The following GLIS3 variants were observed in gnomAD, a reference collection of about 807,000 sequenced individuals.
GLIS3 encodes GLIS family zinc finger 3, also known as zinc finger protein GLIS3.
In GLIS3, 53 loss-of-function variants were observed where a neutral mutation model predicts 78.6. That is an observed-to-expected ratio of 0.67 (90% CI 0.54 to 0.85). The LOEUF is 0.85. Among genes scored for constraint, GLIS3 ranks in the 40% least tolerant of loss-of-function variants. GLIS3 has a pLI of 0.00. For missense variants in GLIS3, 1,703 were observed against 1,231.1 expected (o/e 1.38, Z -5.74); for synonymous variants, 684 against 509.9 (o/e 1.34, Z -4.60).
chr9:4,383,717 C>A, the GLIS3 span, among the ~76,000 whole-genome samples: 1 of 152,196 alleles, frequency 6.6e-6, no homozygotes, highest in Non-Finnish European at 1.5e-5. Flanking sequence ...GGTAATATGA[C>A]TTGATCATCT....
intron 8 of GLIS3, among the ~76,000 whole-genome samples, chr9:3,874,763 G>T (rs959957558): frequency 6.6e-6 from 1 of 152,204 alleles, no homozygotes; most frequent in African/African-American, 2.4e-5. Context: ...GAAACGTTTT[G>T]TGTTGATTAT....
intron 4 of GLIS3, among the ~76,000 whole-genome samples, chr9:3,972,048 A>G (rs982971147): frequency 2.0e-5 from 3 of 152,186 alleles, no homozygotes; most frequent in Admixed American, 6.5e-5. Context: ...CTCACGTAAC[A>G]CACTAGCGTG....
chr9:4,087,708 TATTC>T (rs750409815), intron 4 of GLIS3, among the ~76,000 whole-genome samples: 25 of 152,230 alleles, frequency 1.6e-4, no homozygotes, highest in East Asian at 3.9e-4. Flanking sequence ...GGTGAAAAAA[TATTC>T]ATTGAGTACC....
At chr9:4,115,226 C>T (rs758590952) in intron 4 of GLIS3, among the ~76,000 whole-genome samples, 10 of 152,190 alleles carry the variant, frequency 6.6e-5, no homozygotes, top group South Asian at 4.1e-4. Context: ...CTATCATACA[C>T]AGAAAATAGC....
At chr9:3,903,948 A>G (rs974287184) in intron 6 of GLIS3, among the ~76,000 whole-genome samples, 1 of 152,166 alleles carries the variant, frequency 6.6e-6, no homozygotes, top group African/African-American at 2.4e-5. Context: ...TGTAACACTG[A>G]GAGAGAAGGA....
chr9:4,168,888 G>A (rs1387637648), intron 2 of GLIS3, among the ~76,000 whole-genome samples: 8 of 152,172 alleles, frequency 5.3e-5, no homozygotes, highest in African/African-American at 1.9e-4. Flanking sequence ...GTTTAATCTA[G>A]ATTCTGTAAC....
intron 4 of GLIS3, among the ~76,000 whole-genome samples, chr9:3,972,128 G>A (rs1475265640): frequency 1.3e-5 from 2 of 152,156 alleles, no homozygotes; most frequent in African/African-American, 4.8e-5. Flanking sequence ...ACTTTCCTAT[G>A]GAAGAGTAAA....
At chr9:4,300,981 C>G (rs4741943), upstream of GLIS3, among the ~76,000 whole-genome samples, 5,064 of 152,062 alleles carry the variant, frequency 0.033, 157 homozygotes, top group Admixed American at 0.1. Context: ...TCTACTGTTA[C>G]CACTCCAATA....
intron 2 of GLIS3, among the ~76,000 whole-genome samples, chr9:4,194,600 G>A (rs1028134910): frequency 6.6e-6 from 1 of 152,138 alleles, no homozygotes; most frequent in Non-Finnish European, 1.5e-5. Context: ...ATTCAAGAAA[G>A]CAAATGGAAG....
intron 2 of GLIS3, among the ~76,000 whole-genome samples, chr9:4,226,314 C>G (rs897549063): frequency 2.0e-5 from 3 of 152,152 alleles, no homozygotes; most frequent in African/African-American, 7.2e-5. Context: ...CTATAAAACT[C>G]CGTAAAGATA....
chr9:4,049,458 G>A (rs1282675986), intron 4 of GLIS3, among the ~76,000 whole-genome samples: 2 of 152,148 alleles, frequency 1.3e-5, no homozygotes, highest in East Asian at 1.9e-4. Flanking sequence ...TGCCAGGCTG[G>A]CTGTTAAAGG....
intron 4 of GLIS3, among the ~76,000 whole-genome samples, chr9:3,975,674 T>G (rs1393226221): frequency 6.6e-6 from 1 of 152,166 alleles, no homozygotes. Context: ...AGGTTTTACT[T>G]GCACTCTTCC....
intron 2 of GLIS3, among the ~76,000 whole-genome samples, chr9:4,153,004 G>C (rs1250371595): frequency 6.6e-6 from 1 of 152,094 alleles, no homozygotes; most frequent in Non-Finnish European, 1.5e-5. Context: ...GTTTTTTGTT[G>C]CAAGAGCAGG....
intron 2 of GLIS3, among the ~76,000 whole-genome samples, chr9:4,152,744 G>A (rs956938864): frequency 6.6e-6 from 1 of 151,902 alleles, no homozygotes; most frequent in African/African-American, 2.4e-5. Context: ...TTTTACAAAA[G>A]CAATAGGTTT....
intron 7 of GLIS3, among the ~76,000 whole-genome samples, chr9:3,884,909 C>A (rs550500910): frequency 1.3e-5 from 2 of 152,288 alleles, no homozygotes; most frequent in South Asian, 4.1e-4. Context: ...GGCCCCTGAA[C>A]ACTCTGTTTG....
chr9:4,053,447 TCA>T (rs1825884848), intron 4 of GLIS3, among the ~76,000 whole-genome samples: 1 of 152,068 alleles, frequency 6.6e-6, no homozygotes, highest in African/African-American at 2.4e-5. Flanking sequence ...CACAGCACTT[TCA>T]GATTCCCCCA....
chr9:4,039,273 C>T (rs2890547), intron 4 of GLIS3, among the ~76,000 whole-genome samples: 22,098 of 152,056 alleles, frequency 0.15, 2,026 homozygotes, highest in East Asian at 0.44. Flanking sequence ...TGCCGAGGAC[C>T]AAAATTTGAA....
intron 2 of GLIS3, among the ~76,000 whole-genome samples, chr9:4,222,410 G>A (rs972034800): frequency 1.3e-5 from 2 of 152,166 alleles, no homozygotes; most frequent in Non-Finnish European, 2.9e-5. Context: ...TTAGGACCTA[G>A]AAAATGGACA....
chr9:4,296,292 G>GAAAAAAAAA (rs201201304), intron 1 of GLIS3, among the ~76,000 whole-genome samples: 1 of 116,272 alleles, frequency 8.6e-6, no homozygotes, highest in African/African-American at 3.2e-5. Context: ...ACAGTCAGAG[G>GAAAAAAAAA]AAAAAAAAAA....
Sources: allele counts gnomAD v4.1 joint callset (sites outside exome capture counted in the v4.1 genomes callset), GRCh38; gene constraint gnomAD v4.1.1; transcripts MANE v1.5; gene names NCBI Gene and HGNC (gene_info 2026-07-23, HGNC 2026-07-21).